Variants in SCRN1 observed in about 807,000 individuals in gnomAD.
SCRN1 encodes the protein secernin-1.
In SCRN1, 19 loss-of-function variants were observed where a neutral mutation model predicts 43.3. The ratio of observed to expected loss-of-function variants is 0.44; its 90% CI spans 0.31 to 0.64. SCRN1 has a LOEUF of 0.64. Among genes scored for constraint, SCRN1 ranks in the 30% least tolerant of loss-of-function variants. The pLI is 0.09. For missense variants in SCRN1, 447 were observed against 524.1 expected, an observed-to-expected ratio of 0.85 and a Z score of 1.44; for synonymous variants, 183 against 188.9, an observed-to-expected ratio of 0.97 and a Z score of 0.26.
chr7:29,968,977 G>A lies in SCRN1; in HGVS notation c.91C>T (p.Pro31Ser), dbSNP rs574130083. The A allele has an allele frequency of 3.7e-6, 6 of 1,614,108 alleles. No individual in the cohort carries two copies. The highest frequency in any genetic ancestry group is 5.1e-6 in the Non-Finnish European group (6 of 1,180,008). The change falls in exon 2 of 8, where the codon CCC becomes TCC. Residue 31 changes from proline to serine, a missense_variant. By Grantham distance (74) the Pro-to-Ser change is moderately conservative (BLOSUM62 -1). Transcript: ENST00000242059. ...ACAACCTCTTGCACTTCATCTCTGG[G>A]CCGGGCTGAATTTTTCCCAAATACC... ...LVVFGKNSAR[P>S]RDEVQEVVYF...
chr7:29,955,516 G>C (rs1788109056), intron 2 of SCRN1, among the ~76,000 whole-genome samples, 156 bp from the exon 3 acceptor site: 1 of 152,234 alleles, frequency 6.6e-6, no homozygotes, highest in African/African-American at 2.4e-5. Flanking sequence ...TCACAATGCA[G>C]CTCAAAAGTC....
chr7:29,959,204 G>A (rs1294479496), intron 2 of SCRN1, among the ~76,000 whole-genome samples: 1 of 152,150 alleles, frequency 6.6e-6, no homozygotes, highest in African/African-American at 2.4e-5. Context: ...CTTTCGTACT[G>A]TACTCAAGAT....
rs535676151 is a variant in SCRN1, at chr7:29,930,172, ATAAC to A, written c.906-3544_906-3541del. On this transcript the variant is annotated intron_variant, in intron 6 of 7. Coordinates refer to ENST00000242059, the MANE Select transcript of SCRN1 (RefSeq NM_014766.5). ...GCTTTTTTGAGATTGAATAAATTAT[ATAAC>A]TAATAAATAAGGTTATCTAAAAAAT... Among the ~76,000 whole-genome samples the A allele has an allele frequency of 1.7e-3, 256 of 152,328 alleles. 1 individual carries two copies. The highest frequency in any genetic ancestry group is 5.7e-3 in the African/African-American group (238 of 41,576).
intron 2 of SCRN1, among the ~76,000 whole-genome samples, chr7:29,959,967 A>AGGAG (rs1397124118): frequency 1.7e-5 from 2 of 118,076 alleles, no homozygotes; most frequent in African/African-American, 6.5e-5. Flanking sequence ...GGAGGGAGGG[A>AGGAG]GGAGGGAGGG....
intron 2 of SCRN1, among the ~76,000 whole-genome samples, chr7:29,966,202 A>AGAGAGAGAGAGG (rs1788490994): frequency 6.8e-6 from 1 of 148,096 alleles, no homozygotes; most frequent in Non-Finnish European, 1.5e-5. Context: ...AGAGAGAGAG[A>AGAGAGAGAGAGG]GAAGCTGTAT....
At chr7:29,953,749 T>A (rs1788035574) in intron 3 of SCRN1, among the ~76,000 whole-genome samples, 1 of 152,116 alleles carries the variant, frequency 6.6e-6, no homozygotes, top group African/African-American at 2.4e-5. Context: ...CTCGCAGACC[T>A]CTCCATCAGG....
At position 29,922,848 on chromosome 7, in the gene SCRN1, C is replaced by G. The variant is rs1786813186; in HGVS notation, c.*1109G>C. ...TCTGTCTTCCCAATGCTAAGCCCAT[C>G]TGGTCTTCCTTGCATGCTTTTCTAT... On this transcript the variant is annotated 3_prime_UTR_variant, in exon 8 of 8. Coordinates refer to ENST00000242059, the MANE Select transcript of SCRN1 (RefSeq NM_014766.5). 6.6e-6 allele frequency: 1 copy of G among 152,306 alleles called. No homozygotes were observed. The highest frequency in any genetic ancestry group is 1.5e-5 in the Non-Finnish European group (1 of 68,100). The allele number at this position is 152,306 out of a possible 1,614,324, so 9.4% of individuals were successfully genotyped here. A position where few individuals can be genotyped will look rare whatever the true frequency, so the allele number is the denominator to read the frequency against.
chr7:29,963,873 A>G (rs1788406897), intron 2 of SCRN1, among the ~76,000 whole-genome samples: 1 of 152,252 alleles, frequency 6.6e-6, no homozygotes, highest in African/African-American at 2.4e-5. Flanking sequence ...TGAAAATAGG[A>G]AAGTGCAGAA....
intron 1 of SCRN1, among the ~76,000 whole-genome samples, chr7:29,973,121 C>G (rs1583693139): frequency 6.6e-6 from 1 of 152,274 alleles, no homozygotes. Flanking sequence ...TGGGACACTT[C>G]CGGAAGACTG....
intron 2 of SCRN1, among the ~76,000 whole-genome samples, chr7:29,962,694 AATAAAATAAAATAAAATAAC>A (rs2128096091): frequency 6.6e-6 from 1 of 151,886 alleles, no homozygotes; most frequent in African/African-American, 2.4e-5. Context: ...TCAAACATAA[AATAAAATAAAATAAAATAAC>A]ATAAAATAAC....
At chr7:29,962,681 G>T (rs997386738) in intron 2 of SCRN1, among the ~76,000 whole-genome samples, 1 of 149,186 alleles carries the variant, frequency 6.7e-6, no homozygotes, top group Non-Finnish European at 1.5e-5. Flanking sequence ...GAGTGAGACT[G>T]TCTCAAACAT....
At chr7:29,949,951 T>C (rs984754242) in intron 3 of SCRN1, among the ~76,000 whole-genome samples, 1 of 152,212 alleles carries the variant, frequency 6.6e-6, no homozygotes, top group Admixed American at 6.5e-5. Context: ...GTGATAGCAG[T>C]GGTGGCCCAT....
chr7:29,940,594 TCACCC>T, intron 5 of SCRN1, 83 bp downstream of exon 5: 4 of 1,277,288 alleles, frequency 3.1e-6, no homozygotes, highest in Admixed American at 2.6e-5. Flanking sequence ...TCCTTTTTGT[TCACCC>T]TTCTAAGTTC....
intron 3 of SCRN1, among the ~76,000 whole-genome samples, chr7:29,951,223 C>T (rs994032670): frequency 6.6e-6 from 1 of 152,258 alleles, no homozygotes; most frequent in African/African-American, 2.4e-5. Context: ...CAGCCTCGCA[C>T]AGAGCTAGTG....
Position 29,945,355 on chromosome 7 carries a change from G to A in SCRN1, c.342-1176C>T, listed in dbSNP as rs1476752852. Among the ~76,000 whole-genome samples the A allele has an allele frequency of 5.9e-5, 9 of 152,292 alleles. No homozygotes were observed. The East Asian group carries it at 7.7e-4, about 13-fold the overall frequency. ...GTCCGGTCTTTCCTGTGCTATTCTC[G>A]TGATAGTGAATAAGACTCACAAGAT... On this transcript the variant is annotated intron_variant, in intron 3 of 7. Coordinates refer to ENST00000242059, the MANE Select transcript of SCRN1 (RefSeq NM_014766.5).
intron 1 of SCRN1, among the ~76,000 whole-genome samples, chr7:29,974,258 T>C (rs554624722): frequency 1.3e-5 from 2 of 152,364 alleles, no homozygotes; most frequent in South Asian, 4.1e-4. Flanking sequence ...TATATCCTAA[T>C]ACATCTGAAA....
Position 29,921,554 on chromosome 7 carries a change from C to T in SCRN1, c.*2403G>A, listed in dbSNP as rs931573861. The T allele has an allele frequency of 6.6e-6, 1 of 152,220 alleles. No homozygotes were observed. The highest frequency in any genetic ancestry group is 6.5e-5 in the Admixed American group (1 of 15,280). 9.4% of individuals were successfully genotyped at this position (152,220 alleles called of 1,614,324 possible). ...ACAACTGTCAACTGTGCTTATAGAC[C>T]ACCTCCAGACCTGATGGGAGCTGCC... On this transcript the variant is annotated 3_prime_UTR_variant, in exon 8 of 8. Coordinates refer to ENST00000242059, the MANE Select transcript of SCRN1 (RefSeq NM_014766.5).
intron 5 of SCRN1, among the ~76,000 whole-genome samples, chr7:29,939,764 G>C (rs1437582694): frequency 6.6e-6 from 1 of 152,022 alleles, no homozygotes; most frequent in African/African-American, 2.4e-5. Context: ...TAGAATGACT[G>C]TTGTGGGTTT....
chr7:29,924,495 G>A, intron 7 of SCRN1, among the ~76,000 whole-genome samples: 1 of 152,164 alleles, frequency 6.6e-6, no homozygotes, highest in East Asian at 1.9e-4. Flanking sequence ...CCCTCTGGAG[G>A]GCCATCCCCT....
Sources: allele counts gnomAD v4.1 joint callset (sites outside exome capture counted in the v4.1 genomes callset), GRCh38; gene constraint gnomAD v4.1.1; transcripts MANE v1.5; gene names NCBI Gene and HGNC (gene_info 2026-07-23, HGNC 2026-07-21).